Variants in DNAH12 observed in about 807,000 individuals in gnomAD.
The protein encoded by DNAH12 is dynein axonemal heavy chain 12, also known as axonemal beta dynein heavy chain 12.
In DNAH12, 285 loss-of-function variants were observed where a neutral mutation model predicts 371.5. The observed-to-expected ratio is 0.77, with a 90% CI of 0.70 to 0.85. DNAH12 has a LOEUF of 0.85. DNAH12 is among the 40% of genes least tolerant of loss of function. DNAH12 has a pLI of 0.00. For missense variants in DNAH12, 3,611 were observed against 3,689.4 expected (o/e 0.98, Z 0.55); for synonymous variants, 1,200 against 1,213.0 (o/e 0.99, Z 0.22).
intron 57 of DNAH12, among the ~76,000 whole-genome samples, chr3:57,365,289 C>T (rs2063025272): frequency 6.6e-6 from 1 of 152,048 alleles, no homozygotes; most frequent in Admixed American, 6.6e-5. Flanking sequence ...TAAAAAGGAA[C>T]AAGATAATGT....
intron 45 of DNAH12, among the ~76,000 whole-genome samples, chr3:57,390,749 G>A (rs1006135395): frequency 2.0e-5 from 3 of 148,266 alleles, no homozygotes; most frequent in African/African-American, 7.3e-5. Context: ...TTTGCTTCCA[G>A]CATGACTGAA....
intron 29 of DNAH12, among the ~76,000 whole-genome samples, chr3:57,437,642 A>T (rs2065170012): frequency 6.6e-6 from 1 of 152,172 alleles, no homozygotes; most frequent in Non-Finnish European, 1.5e-5. Flanking sequence ...AAACCAATAG[A>T]GATTTTAATG....
chr3:57,352,743 T>C (rs1397212035), intron 59 of DNAH12, among the ~76,000 whole-genome samples: 1 of 152,020 alleles, frequency 6.6e-6, no homozygotes, highest in East Asian at 1.9e-4. Context: ...TATGAAACAT[T>C]TGCCCGCCCC....
intron 66 of DNAH12, 86 bp downstream of exon 66, chr3:57,314,408 G>A (rs1410666584): frequency 6.0e-6 from 9 of 1,491,662 alleles, no homozygotes; most frequent in Non-Finnish European, 8.2e-6. Flanking sequence ...GTTGGGAGAA[G>A]TGAATCAGCT....
chr3:57,371,965 A>AAAAAAAAAAAT (rs1366790985), intron 55 of DNAH12, among the ~76,000 whole-genome samples: 3 of 142,642 alleles, frequency 2.1e-5, no homozygotes, highest in African/African-American at 7.8e-5. Context: ...AAAAAAAAAA[A>AAAAAAAAAAAT]TTCTTTCAAA....
chr3:57,445,562 T>A, intron 27 of DNAH12, 143 bp from the exon 28 acceptor site: 1 of 695,954 alleles, frequency 1.4e-6, no homozygotes. Flanking sequence ...TTTTTAGTAG[T>A]ACTTTTAATA....
intron 34 of DNAH12, among the ~76,000 whole-genome samples, chr3:57,427,853 A>T (rs1175048076): frequency 6.6e-6 from 1 of 152,092 alleles, no homozygotes; most frequent in Non-Finnish European, 1.5e-5. Flanking sequence ...GCCCTCTACA[A>T]ACATCCTGAT....
At position 57,415,514 on chromosome 3, in the gene DNAH12, T is replaced by C; in HGVS notation, c.5765A>G (p.Lys1922Arg). The change falls in exon 38 of 74, where the codon AAG (lysine) becomes AGG (arginine). Residue 1922 changes from lysine (K) to arginine (R), a missense_variant. Around this residue, in one of 3 missense-constraint regions of DNAH12, gnomAD observed 2,266 missense variants for 2,236.9 expected, o/e 1.01. Coordinates refer to ENST00000495027, the MANE Select transcript of DNAH12 (RefSeq NM_001366028.2). ...TTCCAAGTGATTCATTAGCTTATCCTTCACATACACAGATTTTCCTGTACC... is the reference window on the plus strand; with the variant it reads ...TTCCAAGTGATTCATTAGCTTATCCCTCACATACACAGATTTTCCTGTACC... Reference protein sequence around the residue: ...PTGTGKSVYVKDKLMNHLEKD... With the variant: ...PTGTGKSVYVRDKLMNHLEKD... 2 of 1,550,864 alleles carry C rather than the reference T, an allele frequency of 1.3e-6. No individual in the cohort carries two copies. The highest frequency in any genetic ancestry group is 1.7e-6 in the Non-Finnish European group (2 of 1,146,832).
At position 57,459,604 on chromosome 3, in the gene DNAH12, A is replaced by C; in HGVS notation, c.2919T>G (p.Ala973=). The C allele has an allele frequency of 6.7e-7, 1 of 1,493,954 alleles. No individual in the cohort carries two copies. The highest frequency in any genetic ancestry group is 2.1e-5 in the Admixed American group (1 of 48,170). 92.5% of individuals were successfully genotyped at this position (1,493,954 alleles called of 1,614,324 possible). ...ACAAACACTTCACCTTTGGATCTTT[A>C]GCACAAAACTTCATGATATCTCTCC... The part of the protein sequence containing the change: ...RHWRDIMKFC[A]KDPKVLAATS... The change falls in exon 20 of 74, where the codon GCT becomes GCG. Residue 973 remains alanine, a synonymous_variant. Transcript: ENST00000495027.
At chr3:57,402,895 AT>A (rs1335717591) in intron 43 of DNAH12, among the ~76,000 whole-genome samples, 6 of 152,240 alleles carry the variant, frequency 3.9e-5, no homozygotes, top group Non-Finnish European at 7.3e-5. Context: ...ATAGTTATTC[AT>A]TTTATGCATG....
At chr3:57,352,334 C>T (rs2062697165) in intron 59 of DNAH12, 109 bp from the exon 60 acceptor site, 11 of 1,191,166 alleles carry the variant, frequency 9.2e-6, no homozygotes, top group South Asian at 1.6e-5. Flanking sequence ...CTATTAAAAA[C>T]GTATAAAGAT....
intron 2 of DNAH12, chr3:57,530,317 C>A: frequency 2.6e-6 from 1 of 384,388 alleles, no homozygotes; most frequent in Admixed American, 4.1e-5. Flanking sequence ...ACCTTTATTA[C>A]ATAAGCAAAT....
chr3:57,387,693 T>C (rs1263827927), intron 45 of DNAH12, among the ~76,000 whole-genome samples: 1 of 152,150 alleles, frequency 6.6e-6, no homozygotes, highest in Non-Finnish European at 1.5e-5. Context: ...AAGCAGTTGT[T>C]GGGTGGAGAC....
chr3:57,382,854 G>A (rs2063423363), intron 49 of DNAH12, among the ~76,000 whole-genome samples: 2 of 152,174 alleles, frequency 1.3e-5, no homozygotes, highest in African/African-American at 4.8e-5. Flanking sequence ...ATAATAGATA[G>A]TATAGATTCA....
chr3:57,361,444 C>CACACACACACTATATATATATA, intron 58 of DNAH12, among the ~76,000 whole-genome samples: 1 of 116,722 alleles, frequency 8.6e-6, no homozygotes, highest in Non-Finnish European at 1.6e-5. Flanking sequence ...CACACACACA[C>CACACACACACTATATATATATA]TATATATATA....
chr3:57,391,723 C>T (rs1312814677), intron 45 of DNAH12, 149 bp downstream of exon 45: 10 of 152,144 alleles, frequency 6.6e-5, no homozygotes, highest in Admixed American at 1.3e-4. Context: ...GTAGTCTTAT[C>T]AGTCTCTGGT....
chr3:57,322,016 T>TA (rs1302999033), intron 65 of DNAH12, among the ~76,000 whole-genome samples: 1 of 152,218 alleles, frequency 6.6e-6, no homozygotes, highest in African/African-American at 2.4e-5. Context: ...CTGGCACACA[T>TA]ACTTGTTGAA....
At chr3:57,320,638 G>A (rs2061784518) in intron 65 of DNAH12, among the ~76,000 whole-genome samples, 1 of 152,104 alleles carries the variant, frequency 6.6e-6, no homozygotes, top group African/African-American at 2.4e-5. Flanking sequence ...GCAGAAACTG[G>A]AAGGCAATGG....
intron 60 of DNAH12, among the ~76,000 whole-genome samples, chr3:57,337,346 T>A (rs1378639178): frequency 6.6e-6 from 1 of 151,244 alleles, no homozygotes; most frequent in Middle Eastern, 3.2e-3. Flanking sequence ...TCTATTTTAA[T>A]AATAAAATTT....
Sources: allele counts gnomAD v4.1 joint callset (sites outside exome capture counted in the v4.1 genomes callset), GRCh38; gene constraint gnomAD v4.1.1; regional missense constraint gnomAD v4.1.1; transcripts MANE v1.5; gene names NCBI Gene and HGNC (gene_info 2026-07-23, HGNC 2026-07-21).